The following MROH7 variants were observed in gnomAD, a reference collection of about 807,000 sequenced individuals.
MROH7 encodes maestro heat-like repeat-containing protein family member 7.
MROH7 carries 113 observed loss-of-function variants against 129.2 expected under a neutral mutation model. That is an observed-to-expected ratio of 0.87 (90% CI 0.75 to 1.02). MROH7 has a LOEUF of 1.02. MROH7 is among the 50% of genes least tolerant of loss of function. MROH7 has a pLI of 0.00. For missense variants in MROH7, 1,601 were observed against 1,671.3 expected (o/e 0.96, Z 0.73); for synonymous variants, 655 against 667.9 (o/e 0.98, Z 0.30).
At chr1:54,664,377 C>T (rs903001620) in intron 3 of MROH7, among the ~76,000 whole-genome samples, 4 of 152,210 alleles carry the variant, frequency 2.6e-5, no homozygotes, top group African/African-American at 9.6e-5. Context: ...CTTTGCAGAG[C>T]CCCAGGGTGG....
intron 3 of MROH7, among the ~76,000 whole-genome samples, chr1:54,654,898 T>G (rs139009556): frequency 2.6e-5 from 4 of 152,202 alleles, no homozygotes; most frequent in African/African-American, 7.2e-5. Context: ...CAGTTTCTGA[T>G]GCTGTAAATA....
At chr1:54,644,114 G>C in intron 1 of MROH7, among the ~76,000 whole-genome samples, 1 of 151,460 alleles carries the variant, frequency 6.6e-6, no homozygotes, top group Non-Finnish European at 1.5e-5. Flanking sequence ...AATTTGGGGA[G>C]TTTTCAGTCA....
intron 19 of MROH7, 118 bp downstream of exon 19, chr1:54,701,440 A>G (rs1645434919): frequency 6.1e-6 from 5 of 825,608 alleles, no homozygotes; most frequent in Non-Finnish European, 9.0e-6. Flanking sequence ...GGGTCAGCCT[A>G]CTGGGAGAGG....
chr1:54,661,007 G>C (rs1644723707), intron 3 of MROH7, among the ~76,000 whole-genome samples: 1 of 134,888 alleles, frequency 7.4e-6, no homozygotes, highest in Non-Finnish European at 1.6e-5. Flanking sequence ...CAAACGTTTT[G>C]TGCTTTTTTT....
chr1:54,652,702 G>A (rs1300223390), intron 2 of MROH7, among the ~76,000 whole-genome samples, 151 bp from the exon 3 acceptor site: 2 of 152,220 alleles, frequency 1.3e-5, no homozygotes, highest in African/African-American at 4.8e-5. Flanking sequence ...GTGGAGGCAA[G>A]TGGCAAGTGA....
Position 54,701,229 on chromosome 1 carries a change from C to T in MROH7, c.3192C>T (p.Asn1064=), listed in dbSNP as rs1387328924. Residue 1064 remains asparagine, a synonymous_variant, in exon 19 of 24, where the codon AAC becomes AAT. Transcript: ENST00000421030. ...TGCTGGTGGTGGAAGCGGTCCACAA[C>T]CTCAAGGCTGTCTTCAAGGGGCGGG... ...DGMLVVEAVH[N]LKAVFKGRDQ... is the part of the protein sequence containing the mutation. 1.2e-6 allele frequency: 2 copies of T among 1,614,212 alleles called. No individual in the cohort carries two copies. The highest frequency in any genetic ancestry group is 1.7e-5 in the Admixed American group (1 of 60,030).
chr1:54,687,134 C>G (rs1355571383), intron 15 of MROH7, among the ~76,000 whole-genome samples: 1 of 151,806 alleles, frequency 6.6e-6, no homozygotes, highest in Non-Finnish European at 1.5e-5. Context: ...AGTGCAGTGG[C>G]GCAATCTCAG....
rs759099331 is a variant in MROH7 at position 54,673,081 on chromosome 1, C to T, written c.1600-10C>T. On this transcript the variant is annotated splice_polypyrimidine_tract_variant and intron_variant, in intron 7 of 23. Transcript: ENST00000421030. ...GTGCCTTAGTGGCTTGGTCCTCCTCCCATCCACAGGCTCTTTACCATCAGA... is the reference window on the plus strand; with the variant it reads ...GTGCCTTAGTGGCTTGGTCCTCCTCTCATCCACAGGCTCTTTACCATCAGA... The T allele has an allele frequency of 6.2e-7, 1 of 1,610,850 alleles. No individual in the cohort carries two copies. The highest frequency in any genetic ancestry group is 1.7e-5 in the Admixed American group (1 of 59,986).
At chr1:54,691,607 A>T (rs903481815) in intron 15 of MROH7, among the ~76,000 whole-genome samples, 19 of 152,092 alleles carry the variant, frequency 1.2e-4, no homozygotes, top group Admixed American at 1.0e-3. Context: ...GGAGTTCAAG[A>T]CCAGCCTGGC....
chr1:54,650,904 T>C lies in MROH7; in HGVS notation c.-109-1045T>C, dbSNP rs1644544548. Among the ~76,000 whole-genome samples, 8 of 152,220 alleles carry C rather than the reference T, an allele frequency of 5.3e-5. No homozygotes were observed. In the South Asian group the frequency reaches 1.7e-3, roughly 32 times the overall value. On this transcript the variant is annotated intron_variant, in intron 1 of 23. Coordinates refer to ENST00000421030, the MANE Select transcript of MROH7 (RefSeq NM_001039464.4). ...ACACCCAGCTAATTTTTGTATTTTT[T>C]TGTAGGGACAGAGTCTCATTATGTT...
intron 4 of MROH7, among the ~76,000 whole-genome samples, chr1:54,666,785 G>A (rs1644821932): frequency 6.6e-6 from 1 of 152,106 alleles, no homozygotes; most frequent in African/African-American, 2.4e-5. Context: ...TAAGGGATTA[G>A]TAGCAAGAAT....
At chr1:54,697,673 T>A (rs1404378022) in intron 17 of MROH7, 3 of 703,210 alleles carry the variant, frequency 4.3e-6, no homozygotes, top group Non-Finnish European at 7.8e-6. Context: ...AAGAAGGAAT[T>A]GTGATACTCA....
intron 6 of MROH7, 79 bp from the exon 7 acceptor site, chr1:54,670,721 T>A: frequency 6.7e-7 from 1 of 1,486,382 alleles, no homozygotes; most frequent in Non-Finnish European, 9.1e-7. Flanking sequence ...CCAGTCCCTG[T>A]GCTCCTCAGC....
At chr1:54,693,453 A>G (rs894864546) in intron 16 of MROH7, among the ~76,000 whole-genome samples, 1 of 152,168 alleles carries the variant, frequency 6.6e-6, no homozygotes, top group African/African-American at 2.4e-5. Context: ...AGCCCCTGGC[A>G]TATGGTAAGA....
In MROH7 at chr1:54,685,110, G is replaced by A. The variant is rs183173698; in HGVS notation, c.2521-1148G>A. ...GTTCACCACAACCCCTCCACCTCCC[G>A]GGTTGCAGTGATTCTCATGCCTCAG... On this transcript the variant is annotated intron_variant, in intron 14 of 23. Transcript: ENST00000421030. Among the ~76,000 whole-genome samples, 22 of 151,024 alleles carry A rather than the reference G, an allele frequency of 1.5e-4. No individual in the cohort carries two copies. The East Asian group carries it at 3.8e-3, about 26-fold the overall frequency.
At chr1:54,690,332 C>T (rs1456217189) in intron 15 of MROH7, among the ~76,000 whole-genome samples, 2 of 151,976 alleles carry the variant, frequency 1.3e-5, no homozygotes, top group African/African-American at 4.8e-5. Context: ...GGTGTGGAAA[C>T]CCAGGCTCAC....
chr1:54,674,072 T>C lies in MROH7; in HGVS notation c.1857T>C (p.Ile619=). 6.2e-7 allele frequency: 1 copy of C among 1,614,024 alleles called. No homozygotes were observed. Among genetic ancestry groups the C allele is most frequent in the East Asian group, 2.2e-5 (1 of 44,866 alleles). ...TGCTGGGGAGACTCATCCTTCACAT[T>C]GGGGATCCTGATGAGGAGATTGGCT... is the stretch of plus-strand genomic sequence containing the variant. ...GLLLGRLILH[I]GDPDEEIGCE... is the part of the protein sequence containing the mutation. The change falls in exon 10 of 24, where the codon ATT becomes ATC. Residue 619 remains isoleucine, a synonymous_variant. Transcript: ENST00000421030.
At chr1:54,663,351 C>A (rs1215013776) in intron 3 of MROH7, among the ~76,000 whole-genome samples, 4 of 152,078 alleles carry the variant, frequency 2.6e-5, no homozygotes, top group Non-Finnish European at 2.9e-5. Context: ...ACCAGCCTGA[C>A]CAACATGGCG....
At chr1:54,678,160 C>T (rs1218881480) in intron 10 of MROH7, among the ~76,000 whole-genome samples, 1 of 152,112 alleles carries the variant, frequency 6.6e-6, no homozygotes, top group East Asian at 1.9e-4. Flanking sequence ...CTTCTGTAGC[C>T]GAACCTATGC....
Sources: gnomAD v4.1 joint callset for allele counts (sites outside exome capture counted in the v4.1 genomes callset) on GRCh38, gnomAD v4.1.1 for gene constraint, MANE v1.5 for transcripts, NCBI Gene and HGNC (gene_info 2026-07-23, HGNC 2026-07-21) for gene names.